Variants in TPD52 observed in about 807,000 individuals in gnomAD.
TPD52 encodes the protein tumor protein D52.
In TPD52, 17 loss-of-function variants were observed where a neutral mutation model predicts 31.3. The observed-to-expected ratio is 0.54, with a 90% CI of 0.37 to 0.82. TPD52 has a LOEUF of 0.82. Among genes scored for constraint, TPD52 ranks in the 40% least tolerant of loss-of-function variants. The pLI is 0.00. For missense variants in TPD52, 212 were observed against 240.1 expected, an observed-to-expected ratio of 0.88 and a Z score of 0.77; for synonymous variants, 83 against 89.6, an observed-to-expected ratio of 0.93 and a Z score of 0.42.
chr8:80,041,604 T>C (rs964640160), intron 7 of TPD52, among the ~76,000 whole-genome samples: 1 of 152,202 alleles, frequency 6.6e-6, no homozygotes, highest in African/African-American at 2.4e-5. Flanking sequence ...GATGATTTTA[T>C]AGCTTTGAAT....
chr8:80,070,170 T>C (rs1162127321), intron 1 of TPD52, among the ~76,000 whole-genome samples: 1 of 152,120 alleles, frequency 6.6e-6, no homozygotes, highest in African/African-American at 2.4e-5. Context: ...AATAAGAGTT[T>C]GAGGAGCGCC....
chr8:80,050,328 C>T (rs940516549), intron 5 of TPD52, 117 bp downstream of exon 5: 39 of 985,524 alleles, frequency 4.0e-5, no homozygotes, highest in South Asian at 2.0e-4. Context: ...ATACTCTAAA[C>T]GCAAGAAAAT....
intron 1 of TPD52, among the ~76,000 whole-genome samples, chr8:80,091,506 T>C (rs1253421197): frequency 2.0e-5 from 3 of 152,034 alleles, no homozygotes; most frequent in African/African-American, 7.2e-5. Context: ...ATTACTATTT[T>C]CACTTCGGTC....
In TPD52 at chr8:80,064,985, TTTGCA is replaced by T. The variant is rs1812961197; in HGVS notation, c.20-397_20-393del. 3 of 368,854 alleles carry T rather than the reference TTTGCA, an allele frequency of 8.1e-6. No homozygotes were observed. In the East Asian group the frequency reaches 2.2e-4, roughly 27 times the overall value. The allele number at this position is 368,854 out of a possible 1,614,324, so 22.8% of individuals were successfully genotyped here. A position where few individuals can be genotyped will look rare whatever the true frequency, so the allele number is the denominator to read the frequency against. On this transcript the variant is annotated intron_variant, in intron 1 of 7. Transcript: ENST00000518937. ...CCTTCCCAGTAACCCAGGGCAGGAG[TTTGCA>T]TATCTCTTCAGCTTGCTGTGGTAAT... is the stretch of plus-strand genomic sequence containing the variant.
chr8:80,041,166 T>C (rs1032572953), intron 7 of TPD52, among the ~76,000 whole-genome samples: 4 of 152,130 alleles, frequency 2.6e-5, no homozygotes, highest in Admixed American at 1.3e-4. Flanking sequence ...AGGGGAGGGA[T>C]AGCATTAGGA....
intron 1 of TPD52, among the ~76,000 whole-genome samples, chr8:80,103,052 CTG>C (rs1238341757): frequency 2.2e-4 from 33 of 152,176 alleles, no homozygotes; most frequent in Non-Finnish European, 4.0e-4. Context: ...TTCCATCAAA[CTG>C]TGCATATTTA....
chr8:80,086,877 CAAAAAAAAAAA>C (rs58864911), intron 1 of TPD52, among the ~76,000 whole-genome samples: 26 of 76,574 alleles, frequency 3.4e-4, no homozygotes, highest in South Asian at 6.3e-4. Flanking sequence ...GCTGTCTCAA[CAAAAAAAAAAA>C]AAAAAAAAAA....
At position 80,064,560 on chromosome 8, in the gene TPD52, C is replaced by T. The variant is rs761133445; in HGVS notation, c.53G>A (p.Gly18Glu). The T allele has an allele frequency of 1.9e-6, 3 of 1,614,176 alleles. No homozygotes were observed. Among genetic ancestry groups the T allele is most frequent in the African/African-American group, 1.3e-5 (1 of 75,046 alleles). Residue 18 changes from glycine to glutamate, a missense_variant, in exon 2 of 8, where the codon GGA (glycine) becomes GAA (glutamate). Transcript: ENST00000518937. ...ACTGATCGTGGCAGCAACATCTTCT[C>T]CTTCCTCAGGGACTGGGTCTGTTCT... The part of the protein sequence containing the change: ...LLRTDPVPEE[G>E]EDVAATISAT...
At chr8:80,162,009 G>A (rs1586425652) in intron 1 of TPD52, among the ~76,000 whole-genome samples, 1 of 152,100 alleles carries the variant, frequency 6.6e-6, no homozygotes, top group Admixed American at 6.5e-5. Flanking sequence ...GATTACAAGT[G>A]TGAGCCACCG....
chr8:80,154,488 A>C (rs1227642259), intron 1 of TPD52, among the ~76,000 whole-genome samples: 1 of 152,202 alleles, frequency 6.6e-6, no homozygotes, highest in Non-Finnish European at 1.5e-5. Flanking sequence ...CTCTCCCCTT[A>C]AGTGATAACA....
chr8:80,072,784 TACACACACAC>T (rs760496029), intron 1 of TPD52, among the ~76,000 whole-genome samples: 1 of 145,146 alleles, frequency 6.9e-6, no homozygotes, highest in African/African-American at 2.8e-5. Context: ...TATATACACA[TACACACACAC>T]ACACATATAT....
chr8:80,160,969 C>T (rs563175648), intron 1 of TPD52, among the ~76,000 whole-genome samples: 115 of 150,466 alleles, frequency 7.6e-4, no homozygotes, highest in Non-Finnish European at 1.4e-3. Context: ...GGCTGAGGCA[C>T]GAGAATTGCT....
At chr8:80,142,635 G>A (rs564170877) in intron 1 of TPD52, among the ~76,000 whole-genome samples, 1 of 152,240 alleles carries the variant, frequency 6.6e-6, no homozygotes, top group Non-Finnish European at 1.5e-5. Flanking sequence ...CCAGGAGGTG[G>A]AGGTTGAAGT....
At chr8:80,119,027 A>C (rs1808062224) in intron 1 of TPD52, among the ~76,000 whole-genome samples, 1 of 152,250 alleles carries the variant, frequency 6.6e-6, no homozygotes, top group African/African-American at 2.4e-5. Context: ...ATGTCCATCA[A>C]CTGATGACTG....
chr8:80,100,108 T>C (rs1390901213), intron 1 of TPD52, among the ~76,000 whole-genome samples: 1 of 152,230 alleles, frequency 6.6e-6, no homozygotes, highest in African/African-American at 2.4e-5. Context: ...ATTTAGATTC[T>C]TGATAAAGAG....
chr8:80,043,634 T>A (rs980279246), intron 6 of TPD52, among the ~76,000 whole-genome samples: 1 of 152,156 alleles, frequency 6.6e-6, no homozygotes, highest in Admixed American at 6.5e-5. Context: ...TCACAAGCAC[T>A]CCAAGTGATT....
chr8:80,136,860 A>G (rs1809470666), intron 1 of TPD52, among the ~76,000 whole-genome samples: 1 of 152,212 alleles, frequency 6.6e-6, no homozygotes, highest in Admixed American at 6.5e-5. Context: ...TCATCTAATC[A>G]AGAACAACCT....
At chr8:80,169,250 G>A (rs1415322192) in intron 1 of TPD52, among the ~76,000 whole-genome samples, 2 of 152,138 alleles carry the variant, frequency 1.3e-5, no homozygotes, top group Non-Finnish European at 2.9e-5. Context: ...CAAAGTGCTG[G>A]GATTACAGGT....
At chr8:80,069,481 A>C (rs7837142) in intron 1 of TPD52, among the ~76,000 whole-genome samples, 55,660 of 151,182 alleles carry the variant, frequency 0.37, 10,923 homozygotes, top group East Asian at 0.7. Context: ...ACAACAACAA[A>C]AATTTTAATA....
Sources: allele counts gnomAD v4.1 joint callset (sites outside exome capture counted in the v4.1 genomes callset), GRCh38; gene constraint gnomAD v4.1.1; transcripts MANE v1.5; gene names NCBI Gene and HGNC (gene_info 2026-07-23, HGNC 2026-07-21).